PLCB1: variants seen among roughly 807,000 people sequenced by gnomAD.
PLCB1 encodes the protein phospholipase C beta 1.
In PLCB1, 46 loss-of-function variants were observed where a neutral mutation model predicts 161.8. The ratio of observed to expected loss-of-function variants is 0.28; its 90% CI spans 0.22 to 0.36. The LOEUF (loss-of-function observed/expected upper bound fraction) is 0.36, where lower values mean the gene tolerates loss of function less well. PLCB1 is among the 10% of genes least tolerant of loss of function. The pLI, the probability that PLCB1 is intolerant of heterozygous loss-of-function variation, is 1.00. For missense variants in PLCB1, 1,016 were observed against 1,472.5 expected (o/e 0.69, Z 5.07); for synonymous variants, 517 against 503.7 (o/e 1.03, Z -0.35).
intron 3 of PLCB1, among the ~76,000 whole-genome samples, chr20:8,535,275 A>G (rs2122932471): frequency 6.6e-6 from 1 of 150,778 alleles, no homozygotes; most frequent in African/African-American, 2.4e-5. Flanking sequence ...ATATATAGTT[A>G]ACATATACTA....
chr20:8,729,060 A>T lies in PLCB1; in HGVS notation c.1774A>T (p.Met592Leu), dbSNP rs1457373665. 4 of 1,608,250 alleles carry T rather than the reference A, an allele frequency of 2.5e-6. No homozygotes were observed. Among genetic ancestry groups the T allele is most frequent in the Non-Finnish European group, 3.4e-6 (4 of 1,176,442 alleles). ...SPVEFVEYNK[M>L]QLSRIYPKGT... is the part of the protein sequence containing the mutation. Reference sequence around the variant, plus strand: ...AACATGATGGTCCAGATATAACAAAATGCAGCTTAGCAGGATATATCCAAA... The same window carrying T: ...AACATGATGGTCCAGATATAACAAATTGCAGCTTAGCAGGATATATCCAAA... The change falls in exon 18 of 32, where the codon ATG (methionine) becomes TTG (leucine). Residue 592 changes from methionine to leucine, a missense_variant. By Grantham distance (15) the Met-to-Leu change is conservative. Around this residue, in one of 10 missense-constraint regions of PLCB1, gnomAD observed 67 missense variants for 195.6 expected, o/e 0.34. Transcript: ENST00000338037.
chr20:8,843,854 C>T (rs532090474), intron 31 of PLCB1, among the ~76,000 whole-genome samples: 57 of 152,184 alleles, frequency 3.7e-4, no homozygotes, highest in Non-Finnish European at 6.3e-4. Flanking sequence ...TAATGGCTGT[C>T]ACTGCTGGGG....
intron 2 of PLCB1, among the ~76,000 whole-genome samples, chr20:8,364,016 C>A (rs1179837055): frequency 1.3e-5 from 2 of 152,032 alleles, no homozygotes; most frequent in African/African-American, 2.4e-5. Context: ...TTGACTTTGC[C>A]ACCTTTAGTG....
chr20:8,676,795 G>A (rs914504017), intron 9 of PLCB1, among the ~76,000 whole-genome samples: 1 of 152,178 alleles, frequency 6.6e-6, no homozygotes, highest in African/African-American at 2.4e-5. Context: ...CTAGACATAT[G>A]AGGAAAACTT....
chr20:8,733,427 A>G (rs1287403087), intron 19 of PLCB1, 35 bp downstream of exon 19: 3 of 1,578,312 alleles, frequency 1.9e-6, no homozygotes, highest in Admixed American at 1.7e-5. Context: ...GTTCCTAACA[A>G]TAGTGTTGAA....
intron 3 of PLCB1, among the ~76,000 whole-genome samples, chr20:8,601,360 C>G (rs1242364552): frequency 6.6e-6 from 1 of 152,026 alleles, no homozygotes; most frequent in African/African-American, 2.4e-5. Flanking sequence ...TTTCTTGATC[C>G]TCTTTCTCCT....
At chr20:8,849,779 C>G (rs1215451034) in intron 31 of PLCB1, among the ~76,000 whole-genome samples, 1 of 152,036 alleles carries the variant, frequency 6.6e-6, no homozygotes, top group East Asian at 1.9e-4. Context: ...CTTTGGGAGG[C>G]CAAGGTGGGC....
chr20:8,807,460 A>G (rs1399496962), intron 31 of PLCB1, among the ~76,000 whole-genome samples: 1 of 152,130 alleles, frequency 6.6e-6, no homozygotes, highest in South Asian at 2.1e-4. Flanking sequence ...CACATTTAGT[A>G]TTTTACTTAT....
At chr20:8,217,844 G>T (rs1271015655) in intron 2 of PLCB1, among the ~76,000 whole-genome samples, 1 of 151,984 alleles carries the variant, frequency 6.6e-6, no homozygotes, top group African/African-American at 2.4e-5. Flanking sequence ...GATGAGTCTG[G>T]CTCCTTTACT....
At chr20:8,543,251 T>C (rs1046637747) in intron 3 of PLCB1, among the ~76,000 whole-genome samples, 5 of 151,740 alleles carry the variant, frequency 3.3e-5, no homozygotes, top group African/African-American at 1.2e-4. Context: ...TAATGGGAGA[T>C]TATGTAAGAG....
chr20:8,723,832 T>A (rs924134857), intron 15 of PLCB1, among the ~76,000 whole-genome samples: 4 of 152,042 alleles, frequency 2.6e-5, no homozygotes, highest in African/African-American at 9.7e-5. Flanking sequence ...CCTGCTTGTC[T>A]AAGACACATC....
intron 31 of PLCB1, among the ~76,000 whole-genome samples, chr20:8,844,885 C>A (rs988838338): frequency 3.3e-5 from 5 of 151,902 alleles, no homozygotes; most frequent in African/African-American, 1.2e-4. Flanking sequence ...CCGAGGCGGG[C>A]GGATCACGAG....
At chr20:8,371,820 C>T (rs942973830) in intron 3 of PLCB1, 3 of 172,606 alleles carry the variant, frequency 1.7e-5, no homozygotes, top group Non-Finnish European at 3.7e-5. Flanking sequence ...GAATAGAACT[C>T]CCATATAGCT....
chr20:8,313,157 A>G (rs2122129861), intron 2 of PLCB1, among the ~76,000 whole-genome samples: 1 of 152,344 alleles, frequency 6.6e-6, no homozygotes, highest in South Asian at 2.1e-4. Context: ...AATAGAAGAT[A>G]ACTATATCAA....
At chr20:8,802,300 T>C (rs894018947) in intron 31 of PLCB1, 4 of 584,716 alleles carry the variant, frequency 6.8e-6, no homozygotes, top group Middle Eastern at 3.9e-4. Context: ...CTTTTTTTTC[T>C]GCTAAAGTTC....
chr20:8,587,520 C>G (rs919464608), intron 3 of PLCB1, among the ~76,000 whole-genome samples: 3 of 152,130 alleles, frequency 2.0e-5, no homozygotes, highest in Non-Finnish European at 4.4e-5. Context: ...AAAGCAGATG[C>G]GAGAGCAAAA....
chr20:8,439,224 G>T (rs1980442852), intron 3 of PLCB1, among the ~76,000 whole-genome samples: 1 of 152,164 alleles, frequency 6.6e-6, no homozygotes, highest in Non-Finnish European at 1.5e-5. Context: ...ACAGCATTCA[G>T]GGTCAGTGGC....
At position 8,592,909 on chromosome 20, in the gene PLCB1, A is replaced by G. The variant is rs1987193649; in HGVS notation, c.247-35385A>G. Among the ~76,000 whole-genome samples the G allele has an allele frequency of 3.9e-5, 6 of 152,142 alleles. No individual in the cohort carries two copies. The South Asian group carries it at 1.2e-3, about 31-fold the overall frequency. ...TGGCCATTCTCAATGCTGGCTGCAC[A>G]TTAGGGCCCCCTGAGCAGCTCATGA... is the stretch of plus-strand genomic sequence containing the variant. On this transcript the variant is annotated intron_variant, in intron 3 of 31. Transcript: ENST00000338037.
chr20:8,332,925 T>G (rs531212293), intron 2 of PLCB1, among the ~76,000 whole-genome samples: 1 of 152,332 alleles, frequency 6.6e-6, no homozygotes, highest in East Asian at 1.9e-4. Context: ...ATGTAGCTGC[T>G]TTGGAAGGTG....
Sources: gnomAD v4.1 joint callset for allele counts (sites outside exome capture counted in the v4.1 genomes callset) on GRCh38, gnomAD v4.1.1 for gene constraint, gnomAD v4.1.1 regional missense constraint, MANE v1.5 for transcripts, NCBI Gene and HGNC (gene_info 2026-07-23, HGNC 2026-07-21) for gene names.